Variants in ZFYVE16 observed in about 807,000 individuals in gnomAD.
ZFYVE16 encodes the protein zinc finger FYVE-type containing 16.
ZFYVE16 carries 89 observed loss-of-function variants against 138.1 expected under a neutral mutation model. That is an observed-to-expected ratio of 0.64 (90% CI 0.54 to 0.77). The LOEUF is 0.77. Among genes scored for constraint, ZFYVE16 ranks in the 30% least tolerant of loss-of-function variants. The probability of loss-of-function intolerance (pLI) is 0.00; values close to 1 mark genes in which losing one functional copy is unlikely to be tolerated. For synonymous variants in ZFYVE16, 596 were observed against 618.3 expected, an observed-to-expected ratio of 0.96 and a Z score of 0.53; for missense variants, 1,793 against 1,786.7, an observed-to-expected ratio of 1.00 and a Z score of -0.06.
chr5:80,436,396 G>T (rs1325749444), intron 3 of ZFYVE16, among the ~76,000 whole-genome samples: 1 of 152,176 alleles, frequency 6.6e-6, no homozygotes, highest in Non-Finnish European at 1.5e-5. Context: ...ATGAGATCAA[G>T]ATCTAAGGAC....
chr5:80,472,489 T>C (rs1754481618), intron 15 of ZFYVE16, among the ~76,000 whole-genome samples: 1 of 151,838 alleles, frequency 6.6e-6, no homozygotes, highest in African/African-American at 2.4e-5. Flanking sequence ...TTTTGTCTAG[T>C]CTTAGGGTGG....
At chr5:80,421,640 T>G (rs1292124052) in intron 1 of ZFYVE16, among the ~76,000 whole-genome samples, 3 of 152,204 alleles carry the variant, frequency 2.0e-5, no homozygotes, top group Non-Finnish European at 2.9e-5. Flanking sequence ...CTCTGTTCTG[T>G]TCCATTGGTC....
intron 1 of ZFYVE16, among the ~76,000 whole-genome samples, chr5:80,419,904 C>T (rs1469408009): frequency 2.0e-5 from 3 of 151,584 alleles, no homozygotes; most frequent in South Asian, 2.1e-4. Flanking sequence ...ATCCGCCTCC[C>T]GGGTTCAAGC....
chr5:80,428,532 T>C (rs895388706), intron 2 of ZFYVE16, among the ~76,000 whole-genome samples: 3 of 152,058 alleles, frequency 2.0e-5, no homozygotes, highest in African/African-American at 4.8e-5. Context: ...AGCTGAAAAT[T>C]CTAAAAATCA....
chr5:80,417,681 C>T (rs1285270248), intron 1 of ZFYVE16, among the ~76,000 whole-genome samples: 2 of 152,110 alleles, frequency 1.3e-5, no homozygotes, highest in Non-Finnish European at 2.9e-5. Context: ...AATAATATTC[C>T]ATTGGATAGA....
chr5:80,413,274 C>T (rs1237556025), intron 1 of ZFYVE16, among the ~76,000 whole-genome samples: 1 of 151,988 alleles, frequency 6.6e-6, no homozygotes, highest in East Asian at 1.9e-4. Context: ...GAGTTCGAGA[C>T]CAGCCTGACC....
Position 80,459,638 on chromosome 5 carries a change from GA to G in ZFYVE16, c.4024+146del, listed in dbSNP as rs764633354. On this transcript the variant is annotated intron_variant, in intron 15 of 18. Transcript: ENST00000505560. ...TACATGAAATCATCAACCAGCACAA[GA>G]AGTAGAAGACTTATCTCTCTCTTCT... The G allele has an allele frequency of 2.2e-3, 1,401 of 632,212 alleles. 6 individuals are homozygous for G. Among genetic ancestry groups the G allele is most frequent in the Non-Finnish European group, 2.7e-3 (1,043 of 380,804 alleles). 39.2% of individuals were successfully genotyped at this position (632,212 alleles called of 1,614,324 possible). A position where few individuals can be genotyped will look rare whatever the true frequency, so the allele number is the denominator to read the frequency against.
chr5:80,407,687 G>C (rs970554530), upstream of ZFYVE16, among the ~76,000 whole-genome samples: 2 of 152,244 alleles, frequency 1.3e-5, no homozygotes, highest in African/African-American at 2.4e-5. Context: ...AGTAGAGACC[G>C]GAACGCCGCG....
At chr5:80,442,771 G>A (rs7734903) in intron 5 of ZFYVE16, among the ~76,000 whole-genome samples, 4,722 of 152,222 alleles carry the variant, frequency 0.031, 269 homozygotes, top group African/African-American at 0.11. Flanking sequence ...AATGAGATAT[G>A]ATTTATGTCT....
intron 2 of ZFYVE16, among the ~76,000 whole-genome samples, chr5:80,431,051 C>A (rs1748931502): frequency 6.6e-6 from 1 of 152,138 alleles, no homozygotes; most frequent in Admixed American, 6.5e-5. Flanking sequence ...CTATTCCAAT[C>A]AATAGAAAAA....
At chr5:80,465,400 G>GTTTTGT (rs762431523) in intron 15 of ZFYVE16, among the ~76,000 whole-genome samples, 12 of 26,780 alleles carry the variant, frequency 4.5e-4, no homozygotes, top group African/African-American at 1.2e-3. Flanking sequence ...CCTTTTCTTT[G>GTTTTGT]TTTTTTTTTT....
At chr5:80,469,593 A>G (rs913671113) in intron 15 of ZFYVE16, among the ~76,000 whole-genome samples, 1 of 151,876 alleles carries the variant, frequency 6.6e-6, no homozygotes, top group African/African-American at 2.4e-5. Flanking sequence ...TGTCAGCTTA[A>G]TTATGTGTGC....
intron 8 of ZFYVE16, 38 bp downstream of exon 8, chr5:80,448,442 A>T (rs1751631411): frequency 7.1e-7 from 1 of 1,413,590 alleles, no homozygotes; most frequent in Non-Finnish European, 9.2e-7. Context: ...AAGATTTAAA[A>T]ATATATACTG....
In ZFYVE16 at chr5:80,477,998, A is replaced by G. The variant is rs991513405; in HGVS notation, c.*621A>G. 1 of 152,106 alleles carries G rather than the reference A, an allele frequency of 6.6e-6. No homozygotes were observed. Among genetic ancestry groups the G allele is most frequent in the Non-Finnish European group, 1.5e-5 (1 of 67,958 alleles). The allele number at this position is 152,106 out of a possible 1,614,324, so 9.4% of individuals were successfully genotyped here. ...ACATATGTATGTATTATATATCCACATATATAGTTTTCCCTGATTAAATGG... is the reference window on the plus strand; with the variant it reads ...ACATATGTATGTATTATATATCCACGTATATAGTTTTCCCTGATTAAATGG... On this transcript the variant is annotated 3_prime_UTR_variant, in exon 19 of 19. Transcript: ENST00000505560.
intron 1 of ZFYVE16, chr5:80,411,644 A>T (rs1188584845): frequency 6.6e-6 from 1 of 152,204 alleles, no homozygotes; most frequent in Non-Finnish European, 1.5e-5. Context: ...TTCTCTTCCT[A>T]GGTGATCTCA....
chr5:80,451,832 T>C, intron 11 of ZFYVE16, 123 bp downstream of exon 11: 1 of 988,676 alleles, frequency 1.0e-6, no homozygotes, highest in South Asian at 1.7e-5. Context: ...TGCTATGCTT[T>C]TAAAGTTCTA....
intron 1 of ZFYVE16, among the ~76,000 whole-genome samples, chr5:80,416,310 C>G (rs1046636071): frequency 7.8e-6 from 1 of 128,982 alleles, no homozygotes; most frequent in Non-Finnish European, 1.5e-5. Context: ...GGCTGGAGTG[C>G]AGTGGCGTGA....
Position 80,473,833 on chromosome 5 carries a change from G to T in ZFYVE16, c.4267G>T (p.Asp1423Tyr), listed in dbSNP as rs748541927. The change falls in exon 17 of 19, where the codon GAT becomes TAT. Residue 1423 changes from aspartate (D) to tyrosine (Y), a missense_variant. This residue lies in a region of ZFYVE16 where 498 missense variants were observed against 582.4 expected (regional missense o/e 0.86). Coordinates refer to ENST00000505560, the MANE Select transcript of ZFYVE16 (RefSeq NM_001284236.3). ...AAAACTGGAAGCAGATTTTGAAACC[G>T]ATGAGAAGATTGTAAAATGTACCGA... ...KIKLEADFET[D>Y]EKIVKCTEVF... is the part of the protein sequence containing the mutation. 2.5e-6 allele frequency: 4 copies of T among 1,612,746 alleles called. No individual in the cohort carries two copies. The highest frequency in any genetic ancestry group is 1.3e-5 in the African/African-American group (1 of 74,866).
Position 80,470,127 on chromosome 5 carries a change from A to G in ZFYVE16, c.4025-2634A>G, listed in dbSNP as rs1754216217. 3.6e-5 allele frequency among the ~76,000 whole-genome samples: 4 copies of G among 111,166 alleles called. 1 individual carries two copies. The highest frequency in any genetic ancestry group is 3.3e-4 in the Admixed American group (3 of 9,166). The allele number at this position is 111,166 out of a possible 152,430, so 72.9% of individuals were successfully genotyped here. ...TTTTTTTTTTTTTTTTTTGAGACAG[A>G]GTCTCACCCTTTCACCCAGGCTGGA... On this transcript the variant is annotated intron_variant, in intron 15 of 18. Coordinates refer to ENST00000505560, the MANE Select transcript of ZFYVE16 (RefSeq NM_001284236.3).
Sources: allele counts gnomAD v4.1 joint callset (sites outside exome capture counted in the v4.1 genomes callset), GRCh38; gene constraint gnomAD v4.1.1; regional missense constraint gnomAD v4.1.1; transcripts MANE v1.5; gene names NCBI Gene and HGNC (gene_info 2026-07-23, HGNC 2026-07-21).